The following DYSF variants were observed in gnomAD, a reference collection of about 807,000 sequenced individuals.
DYSF encodes dysferlin, also known as dystrophy-associated fer-1-like 1.
DYSF carries 212 observed loss-of-function variants against 274.9 expected under a neutral mutation model. That is an observed-to-expected ratio of 0.77 (90% CI 0.69 to 0.86). The LOEUF is 0.86. Among genes scored for constraint, DYSF ranks in the 40% least tolerant of loss-of-function variants. The probability of loss-of-function intolerance (pLI) is 0.00; values close to 1 mark genes in which losing one functional copy is unlikely to be tolerated. For missense variants in DYSF, 2,666 were observed against 2,783.2 expected, an observed-to-expected ratio of 0.96 and a Z score of 0.95; for synonymous variants, 1,091 against 1,078.7, an observed-to-expected ratio of 1.01 and a Z score of -0.22.
rs182398510 is a variant in DYSF, at chr2:71,493,059, A to G, written c.240-10155A>G. Among the ~76,000 whole-genome samples the G allele has an allele frequency of 1.0e-3, 116 of 115,942 alleles. 2 individuals are homozygous for G. The East Asian group carries it at 0.023, about 23-fold the overall frequency. The allele number at this position is 115,942 out of a possible 152,430, so 76.1% of individuals were successfully genotyped here. A position where few individuals can be genotyped will look rare whatever the true frequency, so the allele number is the denominator to read the frequency against. ...ACCTCGTCTGGCTAATTTAATATAT[A>G]TATTTTTTTTGTAGAGACAGGGTCT... On this transcript the variant is annotated intron_variant, in intron 3 of 55. Transcript: ENST00000410020.
intron 41 of DYSF, among the ~76,000 whole-genome samples, chr2:71,634,721 C>G (rs1408636251): frequency 6.6e-6 from 1 of 152,176 alleles, no homozygotes; most frequent in Non-Finnish European, 1.5e-5. Context: ...TTCTATCTTC[C>G]TCCTTAACCC....
chr2:71,568,689 T>C (rs2152812039), intron 26 of DYSF, among the ~76,000 whole-genome samples: 1 of 152,056 alleles, frequency 6.6e-6, no homozygotes, highest in Non-Finnish European at 1.5e-5. Flanking sequence ...GCCTTCTGAG[T>C]AGCTGGGACC....
chr2:71,568,139 C>T, intron 25 of DYSF, 33 bp from the exon 26 acceptor site: 2 of 1,614,212 alleles, frequency 1.2e-6, no homozygotes, highest in Non-Finnish European at 1.7e-6. Flanking sequence ...GCCTTGGCCC[C>T]CTGCTCACGC....
chr2:71,646,987 G>GAA (rs1252726356), intron 42 of DYSF, among the ~76,000 whole-genome samples: 2 of 151,278 alleles, frequency 1.3e-5, no homozygotes, highest in Non-Finnish European at 3.0e-5. Flanking sequence ...AATAAAAGAT[G>GAA]TATATTTCAA....
chr2:71,516,102 G>A, intron 8 of DYSF, 78 bp from the exon 9 acceptor site: 1 of 1,399,038 alleles, frequency 7.1e-7, no homozygotes, highest in Non-Finnish European at 1.0e-6. Flanking sequence ...GTGGAGGCTT[G>A]GGGGTGGTGG....
chr2:71,549,367 G>C, intron 17 of DYSF: 1 of 1,612,866 alleles, frequency 6.2e-7, no homozygotes, highest in South Asian at 1.1e-5. Flanking sequence ...TGCAGGTGCT[G>C]TCAAGCCTTC....
chr2:71,573,607 T>A (rs1055548913), intron 29 of DYSF, among the ~76,000 whole-genome samples: 1 of 152,156 alleles, frequency 6.6e-6, no homozygotes, highest in African/African-American at 2.4e-5. Flanking sequence ...TCCTTTTACC[T>A]CTGAGCTGCA....
intron 3 of DYSF, among the ~76,000 whole-genome samples, chr2:71,487,078 G>T (rs1480419406): frequency 3.3e-5 from 5 of 152,192 alleles, no homozygotes; most frequent in Admixed American, 2.6e-4. Context: ...CTACTCTCCA[G>T]GTGCTGGTGT....
chr2:71,614,012 T>G (rs1276273467), intron 40 of DYSF, among the ~76,000 whole-genome samples: 2 of 152,170 alleles, frequency 1.3e-5, no homozygotes, highest in Non-Finnish European at 2.9e-5. Context: ...TGCTGCATAC[T>G]CAGCAACTGA....
At chr2:71,613,510 C>G in intron 40 of DYSF, 100 bp downstream of exon 40, 1 of 1,028,320 alleles carries the variant, frequency 9.7e-7, no homozygotes. Context: ...CACACAGCCT[C>G]TATACACATC....
chr2:71,656,343 G>T, intron 43 of DYSF, 53 bp downstream of exon 43: 1 of 1,610,644 alleles, frequency 6.2e-7, no homozygotes, highest in South Asian at 1.1e-5. Context: ...TGTGGTGTTG[G>T]AGCAATAAGT....
Position 71,553,130 on chromosome 2 carries a change from C to T in DYSF, c.1926C>T (p.Phe642=), listed in dbSNP as rs550180529. The change falls in exon 20 of 56, where the codon TTC becomes TTT. Residue 642 remains phenylalanine, a synonymous_variant. Coordinates refer to ENST00000410020, the MANE Select transcript of DYSF (RefSeq NM_001130987.2). Reference sequence around the variant, plus strand: ...GCATCGGGAACTACGGGAACAAGTTCGACATGACCTGCCTGCCGCTGGCCT... The same window carrying T: ...GCATCGGGAACTACGGGAACAAGTTTGACATGACCTGCCTGCCGCTGGCCT... ...EVSIGNYGNK[F]DMTCLPLAST... is the part of the protein sequence containing the mutation. 8.8e-5 allele frequency: 142 copies of T among 1,614,104 alleles called. 1 individual carries two copies. In the South Asian group the frequency reaches 1.4e-3, roughly 16 times the overall value.
intron 12 of DYSF, among the ~76,000 whole-genome samples, chr2:71,524,203 G>T (rs1017229392): frequency 6.6e-5 from 10 of 152,196 alleles, no homozygotes; most frequent in Non-Finnish European, 1.3e-4. Flanking sequence ...CCAGGAAAAT[G>T]TATTGGTCTT....
chr2:71,489,249 G>A (rs1395806561), intron 3 of DYSF, among the ~76,000 whole-genome samples: 1 of 152,048 alleles, frequency 6.6e-6, no homozygotes, highest in African/African-American at 2.4e-5. Flanking sequence ...CACTGACCCA[G>A]CCCTCTCCCA....
At chr2:71,683,414 G>T (rs2095318882) in intron 55 of DYSF, among the ~76,000 whole-genome samples, 1 of 152,196 alleles carries the variant, frequency 6.6e-6, no homozygotes, top group Non-Finnish European at 1.5e-5. Context: ...AGGGAACCCG[G>T]ATCACCAGGG....
intron 6 of DYSF, 143 bp from the exon 7 acceptor site, chr2:71,513,573 G>A (rs1046257261): frequency 7.7e-6 from 7 of 911,048 alleles, no homozygotes; most frequent in Admixed American, 2.2e-5. Context: ...GCTCACTGAT[G>A]GGGAGGGAGG....
At chr2:71,618,388 GGTGT>G (rs1168130881) in intron 40 of DYSF, among the ~76,000 whole-genome samples, 2 of 5,136 alleles carry the variant, frequency 3.9e-4, no homozygotes, top group Admixed American at 2.3e-3. Context: ...TGGTAGAGGT[GGTGT>G]GTGTGTGTGT....
chr2:71,586,261 G>A (rs970348903), intron 30 of DYSF, among the ~76,000 whole-genome samples: 13 of 152,138 alleles, frequency 8.5e-5, no homozygotes, highest in Non-Finnish European at 1.6e-4. Flanking sequence ...GAGGGACTGA[G>A]CTTAGTGGCT....
At chr2:71,522,124 T>C (rs1359747811) in intron 12 of DYSF, among the ~76,000 whole-genome samples, 1 of 151,868 alleles carries the variant, frequency 6.6e-6, no homozygotes, top group East Asian at 1.9e-4. Context: ...TCTGCCTCCT[T>C]CTCCATGATC....
Sources: gnomAD v4.1 joint callset for allele counts (sites outside exome capture counted in the v4.1 genomes callset) on GRCh38, gnomAD v4.1.1 for gene constraint, MANE v1.5 for transcripts, NCBI Gene and HGNC (gene_info 2026-07-23, HGNC 2026-07-21) for gene names.